ACOT13: variants seen among roughly 807,000 people sequenced by gnomAD.
The protein encoded by ACOT13 is acyl-CoA thioesterase 13, also known as acyl-coenzyme A thioesterase 13.
In ACOT13, 10 loss-of-function variants were observed where a neutral mutation model predicts 11.8. The ratio of observed to expected loss-of-function variants is 0.85; its 90% confidence interval spans 0.53 to 1.44. The LOEUF (loss-of-function observed/expected upper bound fraction) is 1.44. ACOT13 is among the 40% of genes most tolerant of loss of function. The pLI is 0.00. For synonymous variants in ACOT13, 53 were observed against 61.0 expected (o/e 0.87, Z 0.61); for missense variants, 172 against 174.1 (o/e 0.99, Z 0.07).
chr6:24,668,260 C>T (rs372169731), intron 1 of ACOT13, among the ~76,000 whole-genome samples: 2 of 151,880 alleles, frequency 1.3e-5, no homozygotes, highest in East Asian at 3.9e-4. Flanking sequence ...GCTCTGTTGC[C>T]CATGCGGGAG....
chr6:24,668,076 T>A (rs1582429905), intron 1 of ACOT13, among the ~76,000 whole-genome samples: 1 of 150,680 alleles, frequency 6.6e-6, no homozygotes, highest in East Asian at 2.0e-4. Context: ...GCCCAGCTAA[T>A]ATTGTACTTT....
chr6:24,686,956 G>A (rs989580344), intron 1 of ACOT13, among the ~76,000 whole-genome samples: 2 of 152,146 alleles, frequency 1.3e-5, no homozygotes, highest in East Asian at 1.9e-4. Flanking sequence ...ATGAGCAAGA[G>A]GGGCACCAAA....
In ACOT13 at chr6:24,667,077, A is replaced by T; in HGVS notation, c.-187A>T. The T allele has an allele frequency of 1.2e-6, 1 of 854,544 alleles. No individual in the cohort carries two copies. The highest frequency in any genetic ancestry group is 1.8e-6 in the Non-Finnish European group (1 of 564,178). The allele number at this position is 854,544 out of a possible 1,614,324, so 52.9% of individuals were successfully genotyped here. A position where few individuals can be genotyped will look rare whatever the true frequency, so the allele number is the denominator to read the frequency against. ...TCGTCACAAGGGTGCGAGGAAAGTCAGTGAGCAAATCGCGGACCACCGGGG... is the reference window on the plus strand; with the variant it reads ...TCGTCACAAGGGTGCGAGGAAAGTCTGTGAGCAAATCGCGGACCACCGGGG... On this transcript the variant is annotated 5_prime_UTR_variant, in exon 1 of 3. Transcript: ENST00000230048.
At position 24,683,530 on chromosome 6, in the gene ACOT13, GTCTC is replaced by G. The variant is rs370364432; in HGVS notation, c.82-14348_82-14345del. On this transcript the variant is annotated intron_variant, in intron 1 of 2. Transcript: ENST00000230048. ...CAGCCTGGGTGGACAGAGTGAGACT[GTCTC>G]TCTCAAAAAAAAAATTAAGTTTATT... Among the ~76,000 whole-genome samples, 50 of 151,514 alleles carry G rather than the reference GTCTC, an allele frequency of 3.3e-4. 1 individual carries two copies. Among genetic ancestry groups the G allele is most frequent in the African/African-American group, 7.8e-4 (32 of 41,290 alleles).
chr6:24,692,436 G>A (rs1029272404), intron 1 of ACOT13, among the ~76,000 whole-genome samples: 2 of 152,244 alleles, frequency 1.3e-5, no homozygotes, highest in African/African-American at 4.8e-5. Context: ...GTTGTTTTGG[G>A]GACAGGGTCT....
intron 1 of ACOT13, among the ~76,000 whole-genome samples, chr6:24,672,614 TG>T (rs2127621397): frequency 6.6e-6 from 1 of 152,304 alleles, no homozygotes; most frequent in East Asian, 1.9e-4. Flanking sequence ...AGTTCCAGCC[TG>T]GGTGACAGGG....
chr6:24,700,118 CTG>C (rs1220974006), intron 2 of ACOT13, among the ~76,000 whole-genome samples: 1 of 152,186 alleles, frequency 6.6e-6, no homozygotes, highest in Non-Finnish European at 1.5e-5. Flanking sequence ...GCCTGTTAGA[CTG>C]TGACTTAGGT....
chr6:24,687,349 A>C (rs1778648391), intron 1 of ACOT13: 2 of 914,300 alleles, frequency 2.2e-6, no homozygotes, highest in Non-Finnish European at 2.7e-6. Context: ...CAGTAAATAA[A>C]TATGCTTAAC....
In ACOT13 at chr6:24,693,467, A is replaced by G. The variant is rs77851441; in HGVS notation, c.82-4416A>G. On this transcript the variant is annotated intron_variant, in intron 1 of 2. Coordinates refer to ENST00000230048, the MANE Select transcript of ACOT13 (RefSeq NM_018473.4). ...CTTGTTTATCCCACTGCTCAGCAGA[A>G]TGCAACCCTTTTAAAAAAAGACCAG... Among the ~76,000 whole-genome samples the G allele has an allele frequency of 7.6e-3, 1,151 of 152,334 alleles. 15 individuals carry two copies. The highest frequency in any genetic ancestry group is 0.025 in the African/African-American group (1,045 of 41,572).
intron 1 of ACOT13, among the ~76,000 whole-genome samples, chr6:24,672,195 C>G (rs1778376595): frequency 6.6e-6 from 1 of 152,250 alleles, no homozygotes; most frequent in Non-Finnish European, 1.5e-5. Context: ...AGTGATAACT[C>G]AAGGATTTCA....
At chr6:24,672,435 T>C (rs1450346406) in intron 1 of ACOT13, among the ~76,000 whole-genome samples, 1 of 152,160 alleles carries the variant, frequency 6.6e-6, no homozygotes, top group African/African-American at 2.4e-5. Flanking sequence ...GGTCAGGAGA[T>C]CAAGACCATC....
chr6:24,694,154 T>G (rs1778759656), intron 1 of ACOT13, among the ~76,000 whole-genome samples: 1 of 152,198 alleles, frequency 6.6e-6, no homozygotes, highest in Non-Finnish European at 1.5e-5. Context: ...TGGCAAATAG[T>G]GCTGAGCCAT....
intron 1 of ACOT13, among the ~76,000 whole-genome samples, chr6:24,687,952 A>G (rs1429323604): frequency 6.6e-6 from 1 of 151,888 alleles, no homozygotes; most frequent in Non-Finnish European, 1.5e-5. Context: ...ACCTCAAGTG[A>G]TCCTCCTGCC....
intron 1 of ACOT13, among the ~76,000 whole-genome samples, chr6:24,694,949 C>G (rs1778771636): frequency 6.6e-6 from 1 of 152,100 alleles, no homozygotes; most frequent in Admixed American, 6.5e-5. Context: ...TTTTGTCATC[C>G]CAGCCAAAGT....
In ACOT13 at chr6:24,697,752, T is replaced by C. The variant is rs1313985160; in HGVS notation, c.82-131T>C. On this transcript the variant is annotated intron_variant, in intron 1 of 2. Coordinates refer to ENST00000230048, the MANE Select transcript of ACOT13 (RefSeq NM_018473.4). ...CATAAGGGTTAATTTCTATCAGAGA[T>C]TGGCAATTTACTTGAATTTCTGAGT... 5 of 660,928 alleles carry C rather than the reference T, an allele frequency of 7.6e-6. No homozygotes were observed. The East Asian group carries it at 1.2e-4, about 16-fold the overall frequency. 40.9% of individuals were successfully genotyped at this position (660,928 alleles called of 1,614,324 possible).
At chr6:24,680,309 C>A (rs1778527077) in intron 1 of ACOT13, among the ~76,000 whole-genome samples, 1 of 152,186 alleles carries the variant, frequency 6.6e-6, no homozygotes, top group Admixed American at 6.5e-5. Context: ...CCAGGCAGTA[C>A]TGCAGAAGAA....
At chr6:24,691,615 T>C (rs1236509913) in intron 1 of ACOT13, among the ~76,000 whole-genome samples, 1 of 152,082 alleles carries the variant, frequency 6.6e-6, no homozygotes, top group Non-Finnish European at 1.5e-5. Flanking sequence ...TGGAAAGATA[T>C]CACTGAAACA....
intron 2 of ACOT13, chr6:24,701,256 A>G: frequency 2.7e-6 from 1 of 371,094 alleles, no homozygotes; most frequent in Non-Finnish European, 4.7e-6. Context: ...TTGGGAAAAG[A>G]AACTTGTGTG....
intron 1 of ACOT13, among the ~76,000 whole-genome samples, chr6:24,690,909 A>C (rs1193865846): frequency 2.0e-5 from 3 of 152,172 alleles, no homozygotes; most frequent in Non-Finnish European, 4.4e-5. Context: ...ATCTCTGAGA[A>C]GGCTTCCCTG....
Sources: gnomAD v4.1 joint callset for allele counts (sites outside exome capture counted in the v4.1 genomes callset) on GRCh38, gnomAD v4.1.1 for gene constraint, MANE v1.5 for transcripts, NCBI Gene and HGNC (gene_info 2026-07-23, HGNC 2026-07-21) for gene names.